The following EPHA6 variants were observed in gnomAD, a reference collection of about 807,000 sequenced individuals.
EPHA6 encodes ephrin type-A receptor 6.
Under a neutral mutation model 112.0 loss-of-function variants are expected in EPHA6, and 50 were observed. The ratio of observed to expected loss-of-function variants is 0.45; its 90% CI spans 0.36 to 0.56. EPHA6 has a LOEUF of 0.56. EPHA6 is among the 20% of genes least tolerant of loss of function. EPHA6 has a pLI of 0.00. For synonymous variants in EPHA6, 529 were observed against 490.7 expected (o/e 1.08, Z -1.03); for missense variants, 1,280 against 1,417.4 (o/e 0.90, Z 1.56).
intron 14 of EPHA6, among the ~76,000 whole-genome samples, chr3:97,639,617 T>C (rs2093983254): frequency 6.6e-6 from 1 of 152,164 alleles, no homozygotes; most frequent in Admixed American, 6.5e-5. Context: ...AAATAATATT[T>C]TAACTGCTTT....
At chr3:96,992,330 C>A (rs1211060040) in intron 3 of EPHA6, among the ~76,000 whole-genome samples, 1 of 152,166 alleles carries the variant, frequency 6.6e-6, no homozygotes, top group Non-Finnish European at 1.5e-5. Flanking sequence ...AATCCCAAAG[C>A]AAATATCACA....
chr3:97,140,032 T>A (rs149408721), intron 3 of EPHA6, among the ~76,000 whole-genome samples: 1,539 of 151,806 alleles, frequency 0.01, 83 homozygotes, highest in Admixed American at 0.087. Flanking sequence ...AAATGAAAAA[T>A]TCACTGAGGG....
At chr3:97,332,802 T>C (rs1218604599) in intron 5 of EPHA6, among the ~76,000 whole-genome samples, 4 of 151,592 alleles carry the variant, frequency 2.6e-5, no homozygotes, top group African/African-American at 9.7e-5. Flanking sequence ...GGATTCTCTA[T>C]TCTGTTTCAT....
intron 2 of EPHA6, among the ~76,000 whole-genome samples, chr3:96,981,975 A>G (rs1437123026): frequency 2.0e-5 from 3 of 152,002 alleles, no homozygotes; most frequent in African/African-American, 7.3e-5. Context: ...CTAGCGGTCT[A>G]TCAATTTTGT....
At chr3:97,703,356 T>C (rs2033504277) in intron 14 of EPHA6, among the ~76,000 whole-genome samples, 1 of 152,178 alleles carries the variant, frequency 6.6e-6, no homozygotes, top group Non-Finnish European at 1.5e-5. Context: ...AAAAACAGCA[T>C]ATTGGATTTA....
intron 15 of EPHA6, among the ~76,000 whole-genome samples, chr3:97,725,969 A>C (rs2034751263): frequency 6.6e-6 from 1 of 152,148 alleles, no homozygotes; most frequent in African/African-American, 2.4e-5. Flanking sequence ...CAAAATACCC[A>C]GCTCTGGAAT....
chr3:97,104,458 C>T (rs914870094), intron 3 of EPHA6, among the ~76,000 whole-genome samples: 2 of 151,758 alleles, frequency 1.3e-5, no homozygotes, highest in African/African-American at 2.4e-5. Flanking sequence ...TATTTATTTT[C>T]GTATGTTGAA....
intron 5 of EPHA6, among the ~76,000 whole-genome samples, chr3:97,301,287 T>A (rs552214925): frequency 7.9e-5 from 12 of 152,272 alleles, no homozygotes; most frequent in African/African-American, 2.9e-4. Context: ...TGTCAAATTG[T>A]CTTCTAGAAT....
intron 10 of EPHA6, among the ~76,000 whole-genome samples, chr3:97,525,825 T>C (rs1027212718): frequency 1.4e-4 from 22 of 152,148 alleles, no homozygotes; most frequent in African/African-American, 5.3e-4. Context: ...GACTGAACTG[T>C]CTCCAGATCT....
intron 6 of EPHA6, among the ~76,000 whole-genome samples, chr3:97,447,377 T>C (rs1384728923): frequency 6.6e-6 from 1 of 152,114 alleles, no homozygotes; most frequent in Non-Finnish European, 1.5e-5. Context: ...TAGACAGAAT[T>C]TAAGCATCAA....
intron 3 of EPHA6, among the ~76,000 whole-genome samples, chr3:97,133,323 A>G (rs1213028883): frequency 1.3e-5 from 2 of 152,060 alleles, no homozygotes; most frequent in African/African-American, 4.8e-5. Context: ...GTTTTTTAAG[A>G]TATGTAAATC....
chr3:97,517,521 A>G (rs919283140), intron 10 of EPHA6, among the ~76,000 whole-genome samples: 3 of 152,130 alleles, frequency 2.0e-5, no homozygotes, highest in Non-Finnish European at 4.4e-5. Context: ...GTGATGTAAT[A>G]GATGTGCATA....
At chr3:97,100,352 T>C (rs1247887943) in intron 3 of EPHA6, among the ~76,000 whole-genome samples, 1 of 151,546 alleles carries the variant, frequency 6.6e-6, no homozygotes, top group Non-Finnish European at 1.5e-5. Context: ...TATATATTTC[T>C]TTCTGATTAT....
intron 2 of EPHA6, among the ~76,000 whole-genome samples, chr3:96,941,360 C>T (rs2040932739): frequency 2.0e-5 from 3 of 152,148 alleles, no homozygotes; most frequent in African/African-American, 7.2e-5. Flanking sequence ...CATCTTCTAT[C>T]ACTGATACCC....
intron 3 of EPHA6, among the ~76,000 whole-genome samples, chr3:97,026,712 T>C (rs1407748210): frequency 6.6e-6 from 1 of 152,022 alleles, no homozygotes; most frequent in Non-Finnish European, 1.5e-5. Context: ...ATTAGAGAAA[T>C]GCAAATCAAA....
chr3:97,364,595 T>G (rs2084606161), intron 5 of EPHA6, among the ~76,000 whole-genome samples: 1 of 152,062 alleles, frequency 6.6e-6, no homozygotes. Context: ...TATAAAAACA[T>G]AATTTATTTC....
At chr3:96,954,068 C>G (rs2041661676) in intron 2 of EPHA6, among the ~76,000 whole-genome samples, 1 of 151,894 alleles carries the variant, frequency 6.6e-6, no homozygotes, top group Non-Finnish European at 1.5e-5. Context: ...AAGATGAAGT[C>G]TTGCTGTGTT....
At chr3:97,343,112 T>C (rs774053544) in intron 5 of EPHA6, among the ~76,000 whole-genome samples, 1 of 152,176 alleles carries the variant, frequency 6.6e-6, no homozygotes, top group South Asian at 2.1e-4. Context: ...AGAAGAAAGC[T>C]GTAGAGAAAG....
At chr3:96,938,627 C>G (rs1463796539) in intron 2 of EPHA6, among the ~76,000 whole-genome samples, 3 of 151,510 alleles carry the variant, frequency 2.0e-5, no homozygotes, top group Admixed American at 2.0e-4. Flanking sequence ...TTGCCCTGGC[C>G]AGAACTTCCA....
Sources: allele counts gnomAD v4.1 joint callset (sites outside exome capture counted in the v4.1 genomes callset), GRCh38; gene constraint gnomAD v4.1.1; transcripts MANE v1.5; gene names NCBI Gene and HGNC (gene_info 2026-07-23, HGNC 2026-07-21).